Variants in HYDIN observed in about 807,000 individuals in gnomAD.
HYDIN encodes axonemal central pair apparatus protein HYDIN.
A neutral mutation model predicts 403.9 loss-of-function variants in HYDIN; 132 were observed. The ratio of observed to expected loss-of-function variants is 0.33; its 90% confidence interval spans 0.28 to 0.38. HYDIN has a LOEUF of 0.38. Ranked by LOEUF, HYDIN falls within the 10% of genes least tolerant of loss-of-function variation. The probability of loss-of-function intolerance (pLI) is 1.00; values close to 1 mark genes in which losing one functional copy is unlikely to be tolerated. For missense variants in HYDIN, 2,827 were observed against 5,009.5 expected, an observed-to-expected ratio of 0.56 and a Z score of 13.15; for synonymous variants, 1,202 against 1,891.7, an observed-to-expected ratio of 0.64 and a Z score of 9.46.
At chr16:70,861,034 A>G in intron 69 of HYDIN, 133 bp from the exon 70 acceptor site, 1 of 635,038 alleles carries the variant, frequency 1.6e-6, no homozygotes, top group Non-Finnish European at 2.8e-6. Context: ...GTCTTGGTCA[A>G]TAGCATCACT....
chr16:71,137,835 C>T (rs935102258), intron 7 of HYDIN, among the ~76,000 whole-genome samples: 1 of 151,648 alleles, frequency 6.6e-6, no homozygotes, highest in Non-Finnish European at 1.5e-5. Flanking sequence ...TCAGTAACTT[C>T]AAAAATAGAA....
chr16:70,888,309 G>A (rs2041266690), intron 58 of HYDIN, among the ~76,000 whole-genome samples: 1 of 152,354 alleles, frequency 6.6e-6, no homozygotes, highest in South Asian at 2.1e-4. Flanking sequence ...GTTATGCTAT[G>A]AGACTTGGGA....
In HYDIN at chr16:70,970,197, A is replaced by G. The variant is rs533013619; in HGVS notation, c.5619+323T>C. Among the ~76,000 whole-genome samples, 48 of 56,094 alleles carry G rather than the reference A, an allele frequency of 8.6e-4. 2 individuals carry two copies. The East Asian group carries it at 0.017, about 20-fold the overall frequency. The allele number at this position is 56,094 out of a possible 152,430, so 36.8% of individuals were successfully genotyped here. A position where few individuals can be genotyped will look rare whatever the true frequency, so the allele number is the denominator to read the frequency against. The stretch of plus-strand genomic sequence containing the variant: ...TAAATGTAAACTAAATATATCAACT[A>G]AAGTCTAAATATATCAACTAAAGTT... On this transcript the variant is annotated intron_variant, in intron 36 of 85. Coordinates refer to ENST00000393567, the MANE Select transcript of HYDIN (RefSeq NM_001270974.2).
intron 57 of HYDIN, 75 bp from the exon 58 acceptor site, chr16:70,889,779 T>C (rs1458313466): frequency 2.9e-6 from 2 of 688,014 alleles, no homozygotes; most frequent in African/African-American, 1.8e-5. Flanking sequence ...GTCTGTTTTC[T>C]TGCAAGGGCC....
rs771364475 is a variant in HYDIN, at chr16:70,863,175, C to T, written c.11479G>A (p.Val3827Met). 4.3e-6 allele frequency: 7 copies of T among 1,613,018 alleles called. No homozygotes were observed. Among genetic ancestry groups the T allele is most frequent in the South Asian group, 3.3e-5 (3 of 90,858 alleles). ...VYQTRVFEFD[V>M]INSGRVQLEF... ...AGCTGGACACGTCCTGAATTAATCA[C>T]ATCGAACCTGCAAATCGATCAGGGA... The change falls in exon 68 of 86, where the codon GTG (valine) becomes ATG (methionine). Residue 3827 changes from valine to methionine, a missense_variant. Transcript: ENST00000393567.
chr16:71,226,619 T>C (rs1269822656), intron 1 of HYDIN, among the ~76,000 whole-genome samples: 2 of 152,270 alleles, frequency 1.3e-5, no homozygotes, highest in Non-Finnish European at 1.5e-5. Flanking sequence ...ATGAAGAAAA[T>C]TGAAACCAGC....
chr16:71,040,542 C>A (rs1274963574), intron 18 of HYDIN, among the ~76,000 whole-genome samples: 1 of 125,802 alleles, frequency 7.9e-6, no homozygotes, highest in Middle Eastern at 4.2e-3. Flanking sequence ...GCTCAGGGAT[C>A]CCAGTTTTTT....
Position 71,103,846 on chromosome 16 carries a change from G to A in HYDIN, c.1328-9911C>T, listed in dbSNP as rs118032119. Among the ~76,000 whole-genome samples the A allele has an allele frequency of 2.9e-3, 448 of 152,216 alleles. 4 individuals are homozygous for A. The East Asian group carries it at 0.076, about 26-fold the overall frequency. On this transcript the variant is annotated intron_variant, in intron 10 of 85. Transcript: ENST00000393567. ...TATAGATGAATTTGGGGGAGAAATG[G>A]CATTAAGATGTCATTAAGATATTAT...
At chr16:71,034,183 C>T (rs369375672) in intron 18 of HYDIN, among the ~76,000 whole-genome samples, 86 of 152,246 alleles carry the variant, frequency 5.6e-4, no homozygotes, top group Admixed American at 5.4e-3. Flanking sequence ...ACTATTTGAG[C>T]GGGGCTGTAG....
In HYDIN at chr16:71,073,858, C is replaced by A. The variant is rs1312196909; in HGVS notation, c.1739-4356G>T. Among the ~76,000 whole-genome samples the A allele has an allele frequency of 3.9e-5, 6 of 152,126 alleles. 1 individual carries two copies. The highest frequency in any genetic ancestry group is 7.3e-5 in the Non-Finnish European group (5 of 68,032). ...ATTATCTGACTCTCTCATGCTACTG[C>A]AGCTGTAGTCAACAGAACTAATTAT... On this transcript the variant is annotated intron_variant, in intron 13 of 85. Coordinates refer to ENST00000393567, the MANE Select transcript of HYDIN (RefSeq NM_001270974.2).
intron 58 of HYDIN, among the ~76,000 whole-genome samples, chr16:70,888,733 C>A (rs962454344): frequency 1.3e-5 from 2 of 152,258 alleles, no homozygotes; most frequent in South Asian, 2.1e-4. Context: ...CCTTCTCCGA[C>A]GCCACCCTGG....
chr16:71,092,858 T>C (rs1048384324), intron 11 of HYDIN, among the ~76,000 whole-genome samples: 4 of 142,664 alleles, frequency 2.8e-5, no homozygotes, highest in African/African-American at 1.1e-4. Flanking sequence ...AGGATACAAA[T>C]TGGGTTTTTG....
rs560517056 is a variant in HYDIN at position 70,897,184 on chromosome 16, G to T, written c.9049-1104C>A. ...CCCCAAATAATCCCATCAAAAAGTG[G>T]GTAAATGACATGAACCAACTGTTGC... On this transcript the variant is annotated intron_variant, in intron 53 of 85. Coordinates refer to ENST00000393567, the MANE Select transcript of HYDIN (RefSeq NM_001270974.2). Among the ~76,000 whole-genome samples, 7 of 152,164 alleles carry T rather than the reference G, an allele frequency of 4.6e-5. 1 individual carries two copies. In the South Asian group the frequency reaches 1.5e-3, roughly 32 times the overall value.
intron 18 of HYDIN, among the ~76,000 whole-genome samples, chr16:71,056,127 G>GT (rs57845299): frequency 0.07 from 7,442 of 106,240 alleles, 327 homozygotes; most frequent in East Asian, 0.18. Flanking sequence ...TCTGAGATTT[G>GT]TTTTTTTTTT....
chr16:71,025,961 T>C (rs1289515326), intron 20 of HYDIN, among the ~76,000 whole-genome samples: 1 of 151,142 alleles, frequency 6.6e-6, no homozygotes, highest in African/African-American at 2.4e-5. Context: ...AGTGCAATGG[T>C]GCAATCTCAG....
At chr16:71,223,331 G>C (rs1281148133) in intron 1 of HYDIN, among the ~76,000 whole-genome samples, 6 of 152,120 alleles carry the variant, frequency 3.9e-5, no homozygotes, top group African/African-American at 7.2e-5. Context: ...ACTCCCAATG[G>C]ATCAAAGACT....
rs1798440 is a variant in HYDIN, at chr16:70,884,028, C to A, written c.9871G>T (p.Ala3291Ser). 1 of 1,613,820 alleles carries A rather than the reference C, an allele frequency of 6.2e-7. No individual in the cohort carries two copies. ...ATAAACTCCTCACACTTTCCCATGG[C>A]GTCAGCCACACAGTCAACGTTGATG... is the stretch of plus-strand genomic sequence containing the variant. ...QVINVDCVAD[A>S]MGKCEEFIAI... Residue 3291 changes from alanine (A) to serine (S), a missense_variant, in exon 59 of 86, where the codon GCC (alanine) becomes TCC (serine). Coordinates refer to ENST00000393567, the MANE Select transcript of HYDIN (RefSeq NM_001270974.2).
intron 37 of HYDIN, among the ~76,000 whole-genome samples, chr16:70,962,514 A>C (rs2143955295): frequency 6.6e-6 from 1 of 152,368 alleles, no homozygotes; most frequent in South Asian, 2.1e-4. Context: ...GCAACCTCTC[A>C]GATTTTTAAT....
intron 39 of HYDIN, among the ~76,000 whole-genome samples, chr16:70,958,048 C>T (rs1046417439): frequency 5.4e-5 from 8 of 147,468 alleles, no homozygotes; most frequent in East Asian, 3.9e-4. Flanking sequence ...TTTTAAATTA[C>T]GGAAAGAATA....
Sources: allele counts gnomAD v4.1 joint callset (sites outside exome capture counted in the v4.1 genomes callset), GRCh38; gene constraint gnomAD v4.1.1; transcripts MANE v1.5; gene names NCBI Gene and HGNC (gene_info 2026-07-23, HGNC 2026-07-21).